Variants in TRAPPC8 observed in about 807,000 individuals in gnomAD.
TRAPPC8 encodes trafficking protein particle complex subunit 8.
In TRAPPC8, 54 loss-of-function variants were observed where a neutral mutation model predicts 174.3. The observed-to-expected ratio is 0.31, with a 90% CI of 0.25 to 0.39. The LOEUF (loss-of-function observed/expected upper bound fraction) is 0.39. TRAPPC8 is among the 10% of genes least tolerant of loss of function. The probability of loss-of-function intolerance (pLI) is 1.00; values close to 1 mark genes in which losing one functional copy is unlikely to be tolerated. For synonymous variants in TRAPPC8, 630 were observed against 579.9 expected, an observed-to-expected ratio of 1.09 and a Z score of -1.24; for missense variants, 1,531 against 1,699.1, an observed-to-expected ratio of 0.90 and a Z score of 1.74.
intron 12 of TRAPPC8, among the ~76,000 whole-genome samples, chr18:31,881,048 A>C (rs2035425977): frequency 1.3e-5 from 2 of 152,126 alleles, no homozygotes; most frequent in Admixed American, 6.5e-5. Context: ...AAATCAATAT[A>C]GTTAAAATAA....
At chr18:31,871,783 ATTAATCCTCTATTAGGAAT>A (rs2034874213) in intron 14 of TRAPPC8, among the ~76,000 whole-genome samples, 1 of 152,168 alleles carries the variant, frequency 6.6e-6, no homozygotes, top group African/African-American at 2.4e-5. Context: ...AACCATATCA[ATTAATCCTCTATTAGGAAT>A]TCTATTTCTT....
At chr18:31,865,936 A>AC (rs1568062652) in intron 18 of TRAPPC8, among the ~76,000 whole-genome samples, 1 of 151,864 alleles carries the variant, frequency 6.6e-6, no homozygotes, top group Non-Finnish European at 1.5e-5. Flanking sequence ...TTCTTTAGTA[A>AC]AATGTTTTTA....
chr18:31,887,689 C>T lies in TRAPPC8; in HGVS notation c.1728+3046G>A, dbSNP rs565479257. On this transcript the variant is annotated intron_variant, in intron 12 of 28. Coordinates refer to ENST00000283351, the MANE Select transcript of TRAPPC8 (RefSeq NM_014939.5). ...ATAGTAAGAGCCATTTACGACAAAC[C>T]CACAGCCAATATCATACTGCATGGA... Among the ~76,000 whole-genome samples, 21 of 151,850 alleles carry T rather than the reference C, an allele frequency of 1.4e-4. No individual in the cohort carries two copies. The South Asian group carries it at 3.8e-3, about 27-fold the overall frequency.
chr18:31,885,850 A>C (rs1393678726), intron 12 of TRAPPC8, among the ~76,000 whole-genome samples: 5 of 151,160 alleles, frequency 3.3e-5, no homozygotes, highest in Non-Finnish European at 7.4e-5. Flanking sequence ...ACAAGAGCAA[A>C]ACTCCATCTC....
Position 31,852,437 on chromosome 18 carries a change from C to T in TRAPPC8, c.3561+9G>A. 1.2e-6 allele frequency: 2 copies of T among 1,613,840 alleles called. No individual in the cohort carries two copies. The highest frequency in any genetic ancestry group is 1.1e-5 in the South Asian group (1 of 91,054). ...TTAACATCAAACACTACTATGCTTACTTGCATACCTGTTCATTTCCAAAGA... is the reference window on the plus strand; with the variant it reads ...TTAACATCAAACACTACTATGCTTATTTGCATACCTGTTCATTTCCAAAGA... On this transcript the variant is annotated intron_variant, in intron 24 of 28. Transcript: ENST00000283351.
chr18:31,916,218 A>G, intron 4 of TRAPPC8, 54 bp downstream of exon 4: 1 of 1,308,544 alleles, frequency 7.6e-7, no homozygotes. Flanking sequence ...CTATCTCCAA[A>G]TTAATGTTAA....
intron 2 of TRAPPC8, among the ~76,000 whole-genome samples, chr18:31,925,059 C>T (rs1003828746): frequency 6.6e-6 from 1 of 151,808 alleles, no homozygotes; most frequent in African/African-American, 2.4e-5. Flanking sequence ...ATTGGGCAAC[C>T]CTTAAACCTA....
chr18:31,860,557 T>C (rs2034274604), intron 19 of TRAPPC8, among the ~76,000 whole-genome samples: 1 of 152,210 alleles, frequency 6.6e-6, no homozygotes, highest in Admixed American at 6.5e-5. Context: ...CATCATACAG[T>C]ATAGATGGGT....
Position 31,918,576 on chromosome 18 carries a change from G to A in TRAPPC8, c.353-909C>T, listed in dbSNP as rs556599051. ...TCACAAGACAAGACAAGACAAGACAGCCCCCACAATAAAGAATTATCTAGT... is the reference window on the plus strand; with the variant it reads ...TCACAAGACAAGACAAGACAAGACAACCCCCACAATAAAGAATTATCTAGT... On this transcript the variant is annotated intron_variant, in intron 2 of 28. Transcript: ENST00000283351. Among the ~76,000 whole-genome samples, 21 of 152,234 alleles carry A rather than the reference G, an allele frequency of 1.4e-4. No homozygotes were observed. The South Asian group carries it at 3.7e-3, about 27-fold the overall frequency.
intron 2 of TRAPPC8, among the ~76,000 whole-genome samples, chr18:31,919,611 C>G (rs1306641761): frequency 2.0e-5 from 3 of 150,186 alleles, no homozygotes; most frequent in Non-Finnish European, 4.4e-5. Flanking sequence ...AATCCTAACA[C>G]TTTGGGAGGC....
chr18:31,906,501 TA>T (rs891612695), intron 9 of TRAPPC8, among the ~76,000 whole-genome samples: 23 of 151,566 alleles, frequency 1.5e-4, no homozygotes, highest in African/African-American at 4.8e-4. Context: ...ATTTTCTAGC[TA>T]AAAAAAAGTA....
chr18:31,870,119 A>C, intron 16 of TRAPPC8: 1 of 233,258 alleles, frequency 4.3e-6, no homozygotes, highest in Non-Finnish European at 8.2e-6. Flanking sequence ...AAACAAAATG[A>C]CTGGAAAGAT....
intron 2 of TRAPPC8, among the ~76,000 whole-genome samples, chr18:31,923,569 A>C (rs558335258): frequency 6.6e-6 from 1 of 152,326 alleles, no homozygotes; most frequent in African/African-American, 2.4e-5. Flanking sequence ...ATATATAAGA[A>C]TTAATACCTT....
At chr18:31,924,490 G>A (rs2145589085) in intron 2 of TRAPPC8, among the ~76,000 whole-genome samples, 1 of 149,054 alleles carries the variant, frequency 6.7e-6, no homozygotes, top group Admixed American at 6.8e-5. Context: ...GCCAGGAGTG[G>A]TGGCTCACAC....
At chr18:31,841,119 G>C (rs985442015) in intron 26 of TRAPPC8, among the ~76,000 whole-genome samples, 21 of 152,000 alleles carry the variant, frequency 1.4e-4, no homozygotes, top group African/African-American at 5.1e-4. Context: ...GTCAAATAAA[G>C]TTTAACAGCA....
chr18:31,892,895 T>C (rs2036016306), intron 11 of TRAPPC8, among the ~76,000 whole-genome samples: 1 of 152,002 alleles, frequency 6.6e-6, no homozygotes, highest in Non-Finnish European at 1.5e-5. Context: ...TGAGTGTCTG[T>C]GGTCCTAGCT....
At chr18:31,912,446 C>T (rs1326001647) in intron 5 of TRAPPC8, among the ~76,000 whole-genome samples, 1 of 151,826 alleles carries the variant, frequency 6.6e-6, no homozygotes, top group Non-Finnish European at 1.5e-5. Flanking sequence ...GAGCCAAGAT[C>T]GCGCCATTGC....
chr18:31,934,453 G>C (rs1010029011), intron 1 of TRAPPC8, among the ~76,000 whole-genome samples: 1 of 152,098 alleles, frequency 6.6e-6, no homozygotes, highest in African/African-American at 2.4e-5. Context: ...AAACATACCA[G>C]CCTCTCTCCC....
intron 16 of TRAPPC8, among the ~76,000 whole-genome samples, chr18:31,869,319 A>G (rs1598635993): frequency 6.6e-6 from 1 of 152,232 alleles, no homozygotes; most frequent in East Asian, 1.9e-4. Flanking sequence ...ACCAGCAATC[A>G]ATGAAATGGA....
Sources: gnomAD v4.1 joint callset for allele counts (sites outside exome capture counted in the v4.1 genomes callset) on GRCh38, gnomAD v4.1.1 for gene constraint, MANE v1.5 for transcripts, NCBI Gene and HGNC (gene_info 2026-07-23, HGNC 2026-07-21) for gene names.